MEIS2: variants seen among roughly 807,000 people sequenced by gnomAD.
MEIS2 encodes the protein Meis homeobox 2, also known as homeobox protein Meis2.
In MEIS2, 9 loss-of-function variants were observed where a neutral mutation model predicts 58.6. The ratio of observed to expected loss-of-function variants is 0.15; its 90% CI spans 0.09 to 0.27. MEIS2 has a LOEUF of 0.27. Ranked by LOEUF, MEIS2 falls within the 10% of genes least tolerant of loss-of-function variation. The pLI is 1.00. For missense variants in MEIS2, 427 were observed against 635.0 expected (o/e 0.67, Z 3.52); for synonymous variants, 221 against 228.4 (o/e 0.97, Z 0.29).
intron 8 of MEIS2, among the ~76,000 whole-genome samples, chr15:36,999,943 T>C (rs2060660601): frequency 6.6e-6 from 1 of 152,126 alleles, no homozygotes; most frequent in Non-Finnish European, 1.5e-5. Flanking sequence ...GGCACACAAC[T>C]GGCAAGTCAA....
At chr15:37,097,648 G>A (rs532302940) in intron 2 of MEIS2, among the ~76,000 whole-genome samples, 1 of 152,212 alleles carries the variant, frequency 6.6e-6, no homozygotes, top group Non-Finnish European at 1.5e-5. Context: ...AGCCTGAAAC[G>A]AGCAGTCCTG....
At chr15:37,067,407 T>C (rs569088000) in intron 7 of MEIS2, among the ~76,000 whole-genome samples, 9 of 151,952 alleles carry the variant, frequency 5.9e-5, no homozygotes, top group African/African-American at 1.9e-4. Flanking sequence ...AGTTTATAGG[T>C]AGTAAAGAAT....
intron 8 of MEIS2, among the ~76,000 whole-genome samples, chr15:36,999,760 ATAATT>A (rs1188518129): frequency 2.6e-5 from 4 of 152,248 alleles, no homozygotes. Flanking sequence ...ACTGTGGAAA[ATAATT>A]TAGCTTCCAT....
chr15:36,946,373 T>C (rs1014603648), intron 9 of MEIS2, among the ~76,000 whole-genome samples: 3 of 150,240 alleles, frequency 2.0e-5, no homozygotes, highest in African/African-American at 7.4e-5. Context: ...TGAAGCCACT[T>C]ACCTCCTACA....
At chr15:37,079,361 T>A (rs985728056) in intron 7 of MEIS2, among the ~76,000 whole-genome samples, 3 of 152,098 alleles carry the variant, frequency 2.0e-5, no homozygotes, top group Non-Finnish European at 4.4e-5. Context: ...TTATGCCAGA[T>A]GGCATCTGTC....
chr15:36,931,623 C>T (rs1165692728), intron 9 of MEIS2, among the ~76,000 whole-genome samples: 3 of 152,108 alleles, frequency 2.0e-5, no homozygotes, highest in Admixed American at 2.0e-4. Flanking sequence ...GGAAGTGCCC[C>T]GGAAACCAGA....
intron 11 of MEIS2, chr15:36,894,924 A>G: frequency 9.6e-7 from 1 of 1,046,872 alleles, no homozygotes; most frequent in East Asian, 2.4e-5. Context: ...TTTAAAAAGA[A>G]AAAAGAAAAA....
At chr15:36,902,796 T>C (rs1404188712) in intron 9 of MEIS2, among the ~76,000 whole-genome samples, 1 of 152,176 alleles carries the variant, frequency 6.6e-6, no homozygotes, top group African/African-American at 2.4e-5. Context: ...CCTTGGGCAA[T>C]AAACACTTTA....
intron 9 of MEIS2, among the ~76,000 whole-genome samples, chr15:36,926,198 G>C (rs901823578): frequency 6.6e-6 from 1 of 150,516 alleles, no homozygotes; most frequent in African/African-American, 2.5e-5. Context: ...CCTACTACAA[G>C]GTTGTCCCTG....
intron 8 of MEIS2, among the ~76,000 whole-genome samples, chr15:36,970,755 A>G (rs1288639919): frequency 6.6e-6 from 1 of 152,186 alleles, no homozygotes; most frequent in Non-Finnish European, 1.5e-5. Context: ...ATGACTGTGT[A>G]CACATCGTAA....
chr15:37,001,298 T>C (rs1193530693), intron 8 of MEIS2, among the ~76,000 whole-genome samples: 1 of 152,118 alleles, frequency 6.6e-6, no homozygotes, highest in East Asian at 1.9e-4. Context: ...GAGTCCTCAG[T>C]AACAATCTCA....
chr15:37,033,822 T>C (rs1393944691), intron 8 of MEIS2, among the ~76,000 whole-genome samples: 1 of 152,176 alleles, frequency 6.6e-6, no homozygotes, highest in Non-Finnish European at 1.5e-5. Context: ...GAATTACAGC[T>C]GAGTAAATCT....
chr15:37,066,636 G>A (rs1212377260), intron 7 of MEIS2: 1 of 152,190 alleles, frequency 6.6e-6, no homozygotes, highest in Non-Finnish European at 1.5e-5. Context: ...GACATAACTT[G>A]AGTTTTAAAT....
At position 36,992,840 on chromosome 15, in the gene MEIS2, G is replaced by A. The variant is rs372375045; in HGVS notation, c.901-42440C>T. Reference sequence around the variant, plus strand: ...GGAATCTACTCAGGTTTTCTCGCACGGATTTTGAATTTTGCCTTGAGATAT... The same window carrying A: ...GGAATCTACTCAGGTTTTCTCGCACAGATTTTGAATTTTGCCTTGAGATAT... On this transcript the variant is annotated intron_variant, in intron 8 of 11. Coordinates refer to ENST00000561208, the MANE Select transcript of MEIS2 (RefSeq NM_170675.5). Among the ~76,000 whole-genome samples, 7 of 152,132 alleles carry A rather than the reference G, an allele frequency of 4.6e-5. No individual in the cohort carries two copies. In the South Asian group the frequency reaches 1.0e-3, roughly 23 times the overall value.
chr15:36,917,009 G>A (rs531271661), intron 9 of MEIS2, among the ~76,000 whole-genome samples: 2 of 152,210 alleles, frequency 1.3e-5, no homozygotes, highest in South Asian at 2.1e-4. Flanking sequence ...ACACATATGC[G>A]CACACACACA....
At chr15:37,099,226 T>A (rs552108021) in intron 1 of MEIS2, 2 of 1,431,272 alleles carry the variant, frequency 1.4e-6, no homozygotes, top group South Asian at 3.0e-5. Context: ...CGCACAGCGC[T>A]GGAACACGCG....
At chr15:37,006,922 TG>T (rs2060942584) in intron 8 of MEIS2, among the ~76,000 whole-genome samples, 1 of 152,206 alleles carries the variant, frequency 6.6e-6, no homozygotes, top group Non-Finnish European at 1.5e-5. Flanking sequence ...TAAATATATA[TG>T]AAAAGACTAA....
intron 10 of MEIS2, 76 bp from the exon 11 acceptor site, chr15:36,895,337 C>T: frequency 1.5e-6 from 2 of 1,293,906 alleles, no homozygotes; most frequent in Non-Finnish European, 2.2e-6. Context: ...GTTCCCGCTG[C>T]AGCACTGAAA....
intron 7 of MEIS2, among the ~76,000 whole-genome samples, chr15:37,048,416 T>C (rs1231579942): frequency 6.6e-6 from 1 of 152,098 alleles, no homozygotes. Flanking sequence ...TTTCATTCCA[T>C]TTTTAAGAGT....
Sources: gnomAD v4.1 joint callset for allele counts (sites outside exome capture counted in the v4.1 genomes callset) on GRCh38, gnomAD v4.1.1 for gene constraint, MANE v1.5 for transcripts, NCBI Gene and HGNC (gene_info 2026-07-23, HGNC 2026-07-21) for gene names.